The following FAM3C variants were observed in gnomAD, a reference collection of about 807,000 sequenced individuals.
FAM3C encodes FAM3 metabolism regulating signaling molecule C, also known as protein FAM3C.
FAM3C carries 15 observed loss-of-function variants against 32.5 expected under a neutral mutation model. That is an observed-to-expected ratio of 0.46 (90% CI 0.31 to 0.71). The LOEUF is 0.71. Among genes scored for constraint, FAM3C ranks in the 30% least tolerant of loss-of-function variants. FAM3C has a pLI of 0.05. For missense variants in FAM3C, 175 were observed against 274.4 expected (o/e 0.64, Z 2.56); for synonymous variants, 75 against 86.1 (o/e 0.87, Z 0.72).
chr7:121,361,714 C>T (rs1403230654), intron 7 of FAM3C, among the ~76,000 whole-genome samples: 2 of 152,172 alleles, frequency 1.3e-5, no homozygotes, highest in South Asian at 2.1e-4. Flanking sequence ...CTGGCTCTGT[C>T]GCCCAGGCTG....
At chr7:121,381,677 C>T (rs1336334569) in intron 2 of FAM3C, among the ~76,000 whole-genome samples, 1 of 149,582 alleles carries the variant, frequency 6.7e-6, no homozygotes, top group Non-Finnish European at 1.5e-5. Flanking sequence ...CACACACACA[C>T]ACACACACAC....
chr7:121,383,019 TCAAAACAAAAAG>T lies in FAM3C; in HGVS notation c.-41-21_-41-10del. The T allele has an allele frequency of 2.0e-6, 3 of 1,515,824 alleles. No individual in the cohort carries two copies. Among genetic ancestry groups the T allele is most frequent in the Non-Finnish European group, 2.7e-6 (3 of 1,099,016 alleles). The allele number at this position is 1,515,824 out of a possible 1,614,324, so 93.9% of individuals were successfully genotyped here. On this transcript the variant is annotated splice_polypyrimidine_tract_variant and intron_variant, in intron 1 of 9. Transcript: ENST00000359943. ...TTTTCATTAATATGCTCCTAAAAAATCAAAACAAAAAGCAAATATCATTAGCTCTAGAGCAAA... is the reference window on the plus strand; with the variant it reads ...TTTTCATTAATATGCTCCTAAAAAATCAAATATCATTAGCTCTAGAGCAAA...
At chr7:121,357,422 A>G (rs1793835785) in intron 8 of FAM3C, among the ~76,000 whole-genome samples, 1 of 152,176 alleles carries the variant, frequency 6.6e-6, no homozygotes, top group Non-Finnish European at 1.5e-5. Flanking sequence ...CAGAATTTCT[A>G]TTCATATATA....
chr7:121,393,469 C>G (rs561621664), intron 1 of FAM3C, among the ~76,000 whole-genome samples: 1 of 151,992 alleles, frequency 6.6e-6, no homozygotes, highest in African/African-American at 2.4e-5. Flanking sequence ...ATGAAAAATT[C>G]TGTTACAGGA....
chr7:121,382,085 C>A lies in FAM3C; in HGVS notation c.13+872G>T, dbSNP rs529843633. On this transcript the variant is annotated intron_variant, in intron 2 of 9. Coordinates refer to ENST00000359943, the MANE Select transcript of FAM3C (RefSeq NM_014888.3). ...TTACAAGTTACCTATGTTGGGCACA[C>A]GCTTAGTAGAAATTTCCATGTAAAG... Among the ~76,000 whole-genome samples the A allele has an allele frequency of 4.1e-4, 63 of 152,138 alleles. No individual in the cohort carries two copies. In the South Asian group the frequency reaches 0.012, roughly 30 times the overall value.
intron 1 of FAM3C, among the ~76,000 whole-genome samples, chr7:121,384,520 C>A (rs535890153): frequency 9.2e-5 from 14 of 152,258 alleles, no homozygotes; most frequent in African/African-American, 3.4e-4. Flanking sequence ...AGGAAAATTT[C>A]TTTGAAAGTG....
At chr7:121,379,902 GA>G (rs1489250843) in intron 2 of FAM3C, among the ~76,000 whole-genome samples, 2 of 152,140 alleles carry the variant, frequency 1.3e-5, no homozygotes, top group Non-Finnish European at 2.9e-5. Flanking sequence ...GAGCAATGAG[GA>G]AGTCTAACTA....
intron 8 of FAM3C, among the ~76,000 whole-genome samples, chr7:121,358,293 C>G (rs2116880107): frequency 6.6e-6 from 1 of 152,040 alleles, no homozygotes; most frequent in African/African-American, 2.4e-5. Context: ...CATAAAAATA[C>G]AAATTTCTGT....
chr7:121,369,304 T>C (rs916894955), intron 5 of FAM3C, among the ~76,000 whole-genome samples: 2 of 152,128 alleles, frequency 1.3e-5, no homozygotes, highest in Admixed American at 6.5e-5. Flanking sequence ...TATAAGTACG[T>C]ATTTTTTTTA....
chr7:121,355,597 A>T (rs1378098881), intron 8 of FAM3C, among the ~76,000 whole-genome samples: 1 of 152,226 alleles, frequency 6.6e-6, no homozygotes. Context: ...GTTTTCAGGC[A>T]GTAGATCAGG....
At chr7:121,365,150 A>G (rs1358965169) in intron 5 of FAM3C, among the ~76,000 whole-genome samples, 2 of 152,192 alleles carry the variant, frequency 1.3e-5, no homozygotes, top group East Asian at 1.9e-4. Context: ...GTACTTTATT[A>G]TAAATCTCAG....
chr7:121,363,503 T>C (rs1042045083), intron 6 of FAM3C, among the ~76,000 whole-genome samples: 2 of 152,116 alleles, frequency 1.3e-5, no homozygotes, highest in African/African-American at 4.8e-5. Context: ...AGTAGTAAAA[T>C]ATATTTTTCT....
intron 8 of FAM3C, among the ~76,000 whole-genome samples, chr7:121,354,434 C>CTAAT (rs1289850569): frequency 6.6e-6 from 1 of 152,156 alleles, no homozygotes; most frequent in Non-Finnish European, 1.5e-5. Context: ...AGAAGACAAT[C>CTAAT]TAATGCTGCC....
At chr7:121,370,078 T>A (rs1794115384) in intron 5 of FAM3C, among the ~76,000 whole-genome samples, 1 of 151,924 alleles carries the variant, frequency 6.6e-6, no homozygotes, top group Admixed American at 6.5e-5. Context: ...GGGGTCTATT[T>A]AACCAAACAA....
chr7:121,374,178 T>G (rs888475672), intron 3 of FAM3C, among the ~76,000 whole-genome samples: 1 of 152,148 alleles, frequency 6.6e-6, no homozygotes, highest in Non-Finnish European at 1.5e-5. Context: ...CTGATTGTGA[T>G]AGTGTATTAT....
In FAM3C at chr7:121,349,364, C is replaced by A. The variant is rs1793649761; in HGVS notation, c.*1097G>T. 1 of 151,926 alleles carries A rather than the reference C, an allele frequency of 6.6e-6. No homozygotes were observed. Among genetic ancestry groups the A allele is most frequent in the Admixed American group, 6.6e-5 (1 of 15,240 alleles). The allele number at this position is 151,926 out of a possible 1,614,324, so 9.4% of individuals were successfully genotyped here. A position where few individuals can be genotyped will look rare whatever the true frequency, so the allele number is the denominator to read the frequency against. On this transcript the variant is annotated 3_prime_UTR_variant, in exon 10 of 10. Coordinates refer to ENST00000359943, the MANE Select transcript of FAM3C (RefSeq NM_014888.3). ...AAAAACTGAGTTATTTAGTGAACAT[C>A]TGAAGGTAACAAAAAAAGATAGATC...
chr7:121,394,936 TAAGAAA>T (rs1794655021), intron 1 of FAM3C, among the ~76,000 whole-genome samples: 1 of 152,162 alleles, frequency 6.6e-6, no homozygotes, highest in Non-Finnish European at 1.5e-5. Flanking sequence ...TCCCAAGACT[TAAGAAA>T]ACGTAACTGC....
At chr7:121,394,124 T>C (rs1182290398) in intron 1 of FAM3C, among the ~76,000 whole-genome samples, 2 of 152,262 alleles carry the variant, frequency 1.3e-5, no homozygotes, top group Non-Finnish European at 2.9e-5. Context: ...GTATCCATGA[T>C]ATCTACAATT....
intron 8 of FAM3C, among the ~76,000 whole-genome samples, chr7:121,354,270 G>A (rs1793765859): frequency 6.6e-6 from 1 of 152,140 alleles, no homozygotes; most frequent in Admixed American, 6.5e-5. Flanking sequence ...CTCTGAGTTT[G>A]TTACATATAT....
Sources: allele counts gnomAD v4.1 joint callset (sites outside exome capture counted in the v4.1 genomes callset), GRCh38; gene constraint gnomAD v4.1.1; transcripts MANE v1.5; gene names NCBI Gene and HGNC (gene_info 2026-07-23, HGNC 2026-07-21).